Variants in AGMO observed in about 807,000 individuals in gnomAD.
AGMO encodes the protein alkylglycerol monooxygenase.
AGMO carries 75 observed loss-of-function variants against 60.2 expected under a neutral mutation model. That is an observed-to-expected ratio of 1.25 (90% confidence interval 1.03 to 1.51). AGMO has a LOEUF of 1.51. Among genes scored for constraint, AGMO ranks in the 40% most tolerant of loss-of-function variants. The pLI is 0.00. For synonymous variants in AGMO, 261 were observed against 177.1 expected, an observed-to-expected ratio of 1.47 and a Z score of -3.76; for missense variants, 763 against 525.5, an observed-to-expected ratio of 1.45 and a Z score of -4.42.
At chr7:15,303,546 G>GT (rs1420508561) in intron 12 of AGMO, among the ~76,000 whole-genome samples, 1 of 152,072 alleles carries the variant, frequency 6.6e-6, no homozygotes, top group African/African-American at 2.4e-5. Flanking sequence ...CCTAAAAAAT[G>GT]TAAGTGATCT....
chr7:15,474,380 C>G (rs911675250), intron 3 of AGMO, among the ~76,000 whole-genome samples: 9 of 151,988 alleles, frequency 5.9e-5, no homozygotes, highest in Admixed American at 5.9e-4. Context: ...AGAACAGAGG[C>G]CTCAGAAATA....
chr7:15,273,648 A>G (rs1783685085), intron 12 of AGMO, among the ~76,000 whole-genome samples: 1 of 151,810 alleles, frequency 6.6e-6, no homozygotes, highest in Non-Finnish European at 1.5e-5. Flanking sequence ...GTTTTTTCCA[A>G]CTCTGTGAAG....
rs202162685 is a variant in AGMO, at chr7:15,320,276, AAAAT to A, written c.1263+45234_1263+45237del. 7.4e-3 allele frequency among the ~76,000 whole-genome samples: 1,103 copies of A among 149,662 alleles called. 8 individuals are homozygous for A. Among genetic ancestry groups the A allele is most frequent in the African/African-American group, 0.026 (1,015 of 39,210 alleles). On this transcript the variant is annotated intron_variant, in intron 12 of 12. Transcript: ENST00000342526. ...TAAAGTATAATAAAAATATACACAT[AAAAT>A]AAATAAATAAATAAAATATAATGTA...
chr7:15,403,232 G>A (rs1158484544), intron 5 of AGMO, among the ~76,000 whole-genome samples: 2 of 151,902 alleles, frequency 1.3e-5, no homozygotes, highest in Non-Finnish European at 2.9e-5. Flanking sequence ...ATTAATTTTA[G>A]TGTAGATGTG....
At chr7:15,290,963 G>C (rs547142087) in intron 12 of AGMO, among the ~76,000 whole-genome samples, 54 of 152,186 alleles carry the variant, frequency 3.5e-4, no homozygotes, top group Non-Finnish European at 5.9e-4. Flanking sequence ...ATGGATAATA[G>C]AGTCTAGTCA....
chr7:15,521,180 G>A (rs537333973), intron 3 of AGMO, among the ~76,000 whole-genome samples: 1 of 152,252 alleles, frequency 6.6e-6, no homozygotes, highest in South Asian at 2.1e-4. Flanking sequence ...CCAATAACCA[G>A]TTCTGAAATT....
intron 2 of AGMO, among the ~76,000 whole-genome samples, chr7:15,551,013 A>ATACGCAAAT (rs1440934065): frequency 5.0e-4 from 73 of 145,560 alleles, no homozygotes; most frequent in South Asian, 2.2e-3. Context: ...CTGGTTCAAT[A>ATACGCAAAT]TACGCAAATC....
At chr7:15,306,201 A>G (rs531706754) in intron 12 of AGMO, 25 of 216,694 alleles carry the variant, frequency 1.2e-4, no homozygotes, top group African/African-American at 5.7e-4. Context: ...CAAAACTTTG[A>G]CATGCACTGA....
intron 3 of AGMO, among the ~76,000 whole-genome samples, chr7:15,460,548 T>C (rs1349683165): frequency 3.3e-5 from 5 of 152,116 alleles, no homozygotes; most frequent in Non-Finnish European, 7.4e-5. Context: ...ATACTTGCTT[T>C]TCAGAAATAA....
intron 12 of AGMO, among the ~76,000 whole-genome samples, chr7:15,331,194 C>A (rs1024625931): frequency 1.3e-5 from 2 of 152,074 alleles, no homozygotes; most frequent in Non-Finnish European, 2.9e-5. Context: ...ATGACTTCGT[C>A]CCCAGGCAAG....
intron 10 of AGMO, among the ~76,000 whole-genome samples, chr7:15,384,139 G>A (rs1282046931): frequency 9.9e-5 from 15 of 151,906 alleles, no homozygotes; most frequent in Admixed American, 3.9e-4. Flanking sequence ...TGGTTTCACC[G>A]TATTAGCCAG....
rs1363571720 is a variant in AGMO at position 15,553,298 on chromosome 7, G to A, written c.257+6843C>T. ...TAACTAACCTGCGCAATGTGCACAT[G>A]TACCCTAAAACTTAAAGTATAATAA... On this transcript the variant is annotated intron_variant, in intron 2 of 12. Coordinates refer to ENST00000342526, the MANE Select transcript of AGMO (RefSeq NM_001004320.2). 4.6e-5 allele frequency among the ~76,000 whole-genome samples: 7 copies of A among 150,870 alleles called. No individual in the cohort carries two copies. In the East Asian group the frequency reaches 1.2e-3, roughly 25 times the overall value.
intron 12 of AGMO, among the ~76,000 whole-genome samples, chr7:15,313,169 C>G (rs1312558701): frequency 6.6e-6 from 1 of 152,114 alleles, no homozygotes; most frequent in Non-Finnish European, 1.5e-5. Context: ...AAGAAAACTC[C>G]TTCGATGTTT....
chr7:15,384,473 A>G (rs954788196), intron 10 of AGMO, among the ~76,000 whole-genome samples: 8 of 152,208 alleles, frequency 5.3e-5, no homozygotes, highest in Admixed American at 5.2e-4. Flanking sequence ...TTTAATAATT[A>G]CATTTTTGTA....
intron 12 of AGMO, among the ~76,000 whole-genome samples, chr7:15,322,376 G>C (rs1328121367): frequency 7.2e-6 from 1 of 139,310 alleles, no homozygotes; most frequent in East Asian, 2.1e-4. Context: ...GGGTTGAAAA[G>C]AATAAAATAA....
intron 3 of AGMO, among the ~76,000 whole-genome samples, chr7:15,505,383 T>A (rs745561052): frequency 6.6e-6 from 1 of 152,004 alleles, no homozygotes; most frequent in South Asian, 2.1e-4. Flanking sequence ...AAAACGTGTC[T>A]GTCTGGTTGA....
chr7:15,466,867 CT>C (rs1353943737), intron 3 of AGMO, among the ~76,000 whole-genome samples: 1 of 152,038 alleles, frequency 6.6e-6, no homozygotes, highest in African/African-American at 2.4e-5. Context: ...GTTAATTGTA[CT>C]GTCTGTCTTC....
At chr7:15,548,168 A>G (rs1167858706) in intron 2 of AGMO, among the ~76,000 whole-genome samples, 2 of 152,150 alleles carry the variant, frequency 1.3e-5, no homozygotes, top group Non-Finnish European at 2.9e-5. Context: ...CCATCTGTAC[A>G]TCACCGTCAT....
At chr7:15,477,131 C>CTT (rs76639484) in intron 3 of AGMO, among the ~76,000 whole-genome samples, 15 of 151,146 alleles carry the variant, frequency 9.9e-5, no homozygotes, top group South Asian at 6.3e-4. Flanking sequence ...TTAGAACATT[C>CTT]TTTTTTTTTA....
Sources: gnomAD v4.1 joint callset for allele counts (sites outside exome capture counted in the v4.1 genomes callset) on GRCh38, gnomAD v4.1.1 for gene constraint, MANE v1.5 for transcripts, NCBI Gene and HGNC (gene_info 2026-07-23, HGNC 2026-07-21) for gene names.